The following PCDHA11 variants were observed in gnomAD, a reference collection of about 807,000 sequenced individuals.
PCDHA11 encodes protocadherin alpha 11.
PCDHA11 carries 61 observed loss-of-function variants against 70.3 expected under a neutral mutation model. The ratio of observed to expected loss-of-function variants is 0.87; its 90% CI spans 0.71 to 1.07. PCDHA11 has a LOEUF of 1.07. Among genes scored for constraint, PCDHA11 ranks in the 50% least tolerant of loss-of-function variants. PCDHA11 has a pLI of 0.00. For missense variants in PCDHA11, 1,324 were observed against 1,237.5 expected (o/e 1.07, Z -1.05); for synonymous variants, 633 against 555.1 (o/e 1.14, Z -1.97).
At chr5:140,877,663 C>G in intron 1 of PCDHA11, 4 of 1,613,552 alleles carry the variant, frequency 2.5e-6, no homozygotes, top group Non-Finnish European at 3.4e-6. Context: ...CACCGTGAGC[C>G]GGTGCGCGCC....
intron 3 of PCDHA11, among the ~76,000 whole-genome samples, chr5:140,983,637 T>G (rs1306208906): frequency 6.6e-6 from 1 of 152,232 alleles, no homozygotes; most frequent in Non-Finnish European, 1.5e-5. Context: ...TGTACCCAAG[T>G]TCACGTAGCT....
chr5:140,903,859 T>C (rs2070674942), intron 1 of PCDHA11, among the ~76,000 whole-genome samples: 1 of 152,186 alleles, frequency 6.6e-6, no homozygotes, highest in Non-Finnish European at 1.5e-5. Context: ...ACAAATAATA[T>C]AGAGTAAAAT....
chr5:140,920,282 T>C (rs1554199556), intron 1 of PCDHA11, among the ~76,000 whole-genome samples: 1 of 152,218 alleles, frequency 6.6e-6, no homozygotes, highest in African/African-American at 2.4e-5. Context: ...TAATCTTATA[T>C]TTTTTAGAGG....
At chr5:140,985,096 C>G (rs1486346952) in intron 3 of PCDHA11, among the ~76,000 whole-genome samples, 1 of 152,096 alleles carries the variant, frequency 6.6e-6, no homozygotes, top group Non-Finnish European at 1.5e-5. Context: ...TGCCACCAAG[C>G]CTGGCTAATT....
chr5:140,946,374 C>T (rs1371899868), intron 1 of PCDHA11, among the ~76,000 whole-genome samples: 5 of 151,656 alleles, frequency 3.3e-5, no homozygotes, highest in African/African-American at 9.7e-5. Flanking sequence ...CTCTTGCACA[C>T]GGTTGGTAGG....
At chr5:140,900,280 T>G (rs549563825) in intron 1 of PCDHA11, among the ~76,000 whole-genome samples, 1 of 152,182 alleles carries the variant, frequency 6.6e-6, no homozygotes, top group Admixed American at 6.5e-5. Flanking sequence ...TGTACCACAC[T>G]TTCTTTTCTG....
chr5:140,932,187 T>C (rs2153611225), intron 1 of PCDHA11, among the ~76,000 whole-genome samples: 1 of 152,028 alleles, frequency 6.6e-6, no homozygotes, highest in Admixed American at 6.5e-5. Context: ...CTCATGTCCA[T>C]TTTTTTCTGT....
chr5:140,884,555 G>A (rs1554181729), intron 1 of PCDHA11: 1 of 1,614,098 alleles, frequency 6.2e-7, no homozygotes. Flanking sequence ...CTCTGGGGAG[G>A]GCCCGCATAA....
At position 141,010,411 on chromosome 5, in the gene PCDHA11, G is replaced by A. The variant is rs1215041869; in HGVS notation, c.*474G>A. On this transcript the variant is annotated 3_prime_UTR_variant, in exon 4 of 4. Coordinates refer to ENST00000398640, the MANE Select transcript of PCDHA11 (RefSeq NM_018902.5). Reference sequence around the variant, plus strand: ...TGAGACGAGCCAGCTTAGACTAATTGGTACAAGGAAGGCAAGAAAACAAAG... The same window carrying A: ...TGAGACGAGCCAGCTTAGACTAATTAGTACAAGGAAGGCAAGAAAACAAAG... The A allele has an allele frequency of 8.2e-7, 1 of 1,224,354 alleles. No individual in the cohort carries two copies. Among genetic ancestry groups the A allele is most frequent in the Admixed American group, 2.9e-5 (1 of 35,038 alleles). 75.8% of individuals were successfully genotyped at this position (1,224,354 alleles called of 1,614,324 possible).
intron 1 of PCDHA11, among the ~76,000 whole-genome samples, chr5:140,896,683 C>T (rs2153454060): frequency 6.6e-6 from 1 of 152,068 alleles, no homozygotes; most frequent in South Asian, 2.1e-4. Context: ...GGCCCTTTGC[C>T]CATTTTTTGA....
intron 1 of PCDHA11, among the ~76,000 whole-genome samples, chr5:140,939,231 G>A (rs1305244022): frequency 6.6e-6 from 1 of 152,134 alleles, no homozygotes; most frequent in East Asian, 1.9e-4. Context: ...TCACCTTCTG[G>A]AAGGAGCAAG....
rs565095262 is a variant in PCDHA11, at chr5:140,873,057, T to C, written c.2391+1563T>C. 8.5e-4 allele frequency among the ~76,000 whole-genome samples: 129 copies of C among 152,336 alleles called. 1 individual carries two copies. Among genetic ancestry groups the C allele is most frequent in the Middle Eastern group, 3.4e-3 (1 of 294 alleles). ...TAGAGTGGTGGTATTACAGACTTTC[T>C]TGAGAATCATATCTAGCTATTTCCC... On this transcript the variant is annotated intron_variant, in intron 1 of 3. Transcript: ENST00000398640.
At chr5:140,884,016 G>T (rs143828814) in intron 1 of PCDHA11, 1 of 1,613,208 alleles carries the variant, frequency 6.2e-7, no homozygotes, top group Non-Finnish European at 8.5e-7. Flanking sequence ...CTGATGCCGC[G>T]GTCGGTGGGT....
chr5:140,878,450 A>T (rs2057594535), intron 1 of PCDHA11, among the ~76,000 whole-genome samples: 1 of 152,224 alleles, frequency 6.6e-6, no homozygotes, highest in Non-Finnish European at 1.5e-5. Context: ...TCTTATTTAC[A>T]TGAAATATAA....
intron 3 of PCDHA11, among the ~76,000 whole-genome samples, chr5:141,004,902 G>A (rs1554259808): frequency 1.3e-5 from 2 of 152,084 alleles, no homozygotes; most frequent in African/African-American, 4.8e-5. Flanking sequence ...GCTCTGCCAG[G>A]GTGTAAGGAA....
In PCDHA11 at chr5:140,966,434, C is replaced by G. The variant is rs889087342; in HGVS notation, c.2392-12515C>G. 9 of 423,984 alleles carry G rather than the reference C, an allele frequency of 2.1e-5. No individual in the cohort carries two copies. In the Admixed American group the frequency reaches 3.9e-4, roughly 19 times the overall value. The allele number at this position is 423,984 out of a possible 1,614,324, so 26.3% of individuals were successfully genotyped here. On this transcript the variant is annotated intron_variant, in intron 1 of 3. Coordinates refer to ENST00000398640, the MANE Select transcript of PCDHA11 (RefSeq NM_018902.5). ...GAGCAGGACTTGCTGAGCCCTCCTA[C>G]CGCTCCCTTTCCCCCTCCCCCTCTG...
At chr5:140,893,951 T>TTA (rs2064251628) in intron 1 of PCDHA11, among the ~76,000 whole-genome samples, 1 of 152,184 alleles carries the variant, frequency 6.6e-6, no homozygotes, top group Admixed American at 6.5e-5. Context: ...CTGCATGACT[T>TTA]TATTAGTCAT....
chr5:140,920,530 G>T (rs2079676121), intron 1 of PCDHA11, among the ~76,000 whole-genome samples: 1 of 152,148 alleles, frequency 6.6e-6, no homozygotes, highest in African/African-American at 2.4e-5. Context: ...GTTAGACTCA[G>T]GTTTTCTATT....
intron 3 of PCDHA11, among the ~76,000 whole-genome samples, chr5:140,990,514 T>C (rs1437267512): frequency 1.3e-5 from 2 of 152,204 alleles, no homozygotes; most frequent in Non-Finnish European, 1.5e-5. Context: ...TCTTCTCTCT[T>C]GTCTTTTTTG....
Sources: allele counts gnomAD v4.1 joint callset (sites outside exome capture counted in the v4.1 genomes callset), GRCh38; gene constraint gnomAD v4.1.1; transcripts MANE v1.5; gene names NCBI Gene and HGNC (gene_info 2026-07-23, HGNC 2026-07-21).